Variants in TSPEAR observed in about 807,000 individuals in gnomAD.
TSPEAR encodes thrombospondin-type laminin G domain and EAR repeat-containing protein.
A neutral mutation model predicts 71.6 loss-of-function variants in TSPEAR; 69 were observed. The observed-to-expected ratio is 0.96, with a 90% CI of 0.79 to 1.18. TSPEAR has a LOEUF of 1.18. Among genes scored for constraint, TSPEAR ranks in the 50% most tolerant of loss-of-function variants. The pLI is 0.00. For missense variants in TSPEAR, 971 were observed against 894.9 expected, an observed-to-expected ratio of 1.09 and a Z score of -1.09; for synonymous variants, 402 against 387.2, an observed-to-expected ratio of 1.04 and a Z score of -0.45.
chr21:44,683,543 C>A (rs1601562938), intron 1 of TSPEAR, among the ~76,000 whole-genome samples: 1 of 152,088 alleles, frequency 6.6e-6, no homozygotes, highest in African/African-American at 2.4e-5. Context: ...GTGGTGCATG[C>A]TTGTGGTCCC....
chr21:44,523,101 G>C (rs1555914481), intron 8 of TSPEAR, among the ~76,000 whole-genome samples: 2 of 140,152 alleles, frequency 1.4e-5, no homozygotes. Flanking sequence ...CAGCCAGCCA[G>C]CCAATTAGTC....
At chr21:44,666,587 G>A in intron 1 of TSPEAR, 1 of 1,612,916 alleles carries the variant, frequency 6.2e-7, no homozygotes, top group Non-Finnish European at 8.5e-7. Context: ...GGGAGGACTG[G>A]CAGGAGGGGG....
rs782081347 is a variant in TSPEAR, at chr21:44,623,169, GC to G, written c.83-55165del. On this transcript the variant is annotated intron_variant, in intron 1 of 11. Transcript: ENST00000323084. The surrounding 1 kb of genome is among the most constrained non-coding windows in gnomAD (Gnocchi z 4.5). The stretch of plus-strand genomic sequence containing the variant: ...ACCCAGTCTCAAATATTTCTTTATA[GC>G]AATGCGAGACCAGCTTAACACAGTG... Among the ~76,000 whole-genome samples the G allele has an allele frequency of 1.3e-5, 2 of 152,114 alleles. No individual in the cohort carries two copies. Among genetic ancestry groups the G allele is most frequent in the Non-Finnish European group, 2.9e-5 (2 of 68,022 alleles).
chr21:44,597,805 A>C (rs1555927816), intron 1 of TSPEAR, among the ~76,000 whole-genome samples: 1 of 152,116 alleles, frequency 6.6e-6, no homozygotes, highest in African/African-American at 2.4e-5. Context: ...TATTCAGACC[A>C]ACAATATATT....
intron 1 of TSPEAR, among the ~76,000 whole-genome samples, chr21:44,698,804 C>G (rs1487350736): frequency 2.0e-5 from 3 of 152,240 alleles, no homozygotes; most frequent in African/African-American, 7.2e-5. Flanking sequence ...CTACAACTCC[C>G]GTGTCTGAAG....
intron 1 of TSPEAR, chr21:44,574,834 C>T: frequency 6.2e-7 from 1 of 1,614,024 alleles, no homozygotes; most frequent in Non-Finnish European, 8.5e-7. Flanking sequence ...AGACCCTCCT[C>T]CTCCGTGTCC....
At chr21:44,697,877 G>T in intron 1 of TSPEAR, 2 of 1,612,606 alleles carry the variant, frequency 1.2e-6, no homozygotes, top group Non-Finnish European at 1.7e-6. Flanking sequence ...GCCAAGCTGC[G>T]GCCGCCTGGC....
intron 2 of TSPEAR, among the ~76,000 whole-genome samples, chr21:44,555,268 G>A (rs1262083756): frequency 2.6e-5 from 4 of 152,184 alleles, no homozygotes; most frequent in Admixed American, 2.6e-4. Flanking sequence ...AATAAAAACC[G>A]AAATAAGGTA....
chr21:44,618,034 C>T (rs1352552698), intron 1 of TSPEAR, among the ~76,000 whole-genome samples: 3 of 152,196 alleles, frequency 2.0e-5, no homozygotes, highest in Admixed American at 6.5e-5. Flanking sequence ...ACTGTAAGGG[C>T]CTGTCCCTCC....
intron 2 of TSPEAR, among the ~76,000 whole-genome samples, chr21:44,560,946 T>G (rs2146056679): frequency 6.6e-6 from 1 of 151,892 alleles, no homozygotes. Flanking sequence ...AGCAAACAAA[T>G]CCAAAGGCTA....
intron 1 of TSPEAR, chr21:44,591,327 C>G (rs2146122512): frequency 1.3e-6 from 2 of 1,549,266 alleles, no homozygotes; most frequent in Non-Finnish European, 1.7e-6. Flanking sequence ...GCAGAGCTTG[C>G]TGGGGCAGCT....
chr21:44,528,270 G>A (rs891256407), intron 6 of TSPEAR, among the ~76,000 whole-genome samples, 182 bp downstream of exon 6: 1 of 152,314 alleles, frequency 6.6e-6, no homozygotes, highest in East Asian at 1.9e-4. Context: ...TGTCCTGCCC[G>A]CTGCTTGCTT....
intron 1 of TSPEAR, among the ~76,000 whole-genome samples, chr21:44,694,836 C>T (rs139048229): frequency 5.9e-5 from 9 of 152,242 alleles, no homozygotes; most frequent in African/African-American, 2.2e-4. Flanking sequence ...GGGGAGAAGG[C>T]GGCGCTCACA....
At chr21:44,709,087 ACTCCCAGC>A (rs562514643) in intron 1 of TSPEAR, among the ~76,000 whole-genome samples, 107 of 152,044 alleles carry the variant, frequency 7.0e-4, no homozygotes, top group Middle Eastern at 3.4e-3. Flanking sequence ...CAGCTCCCGC[ACTCCCAGC>A]CTCCCAGCCT....
intron 1 of TSPEAR, among the ~76,000 whole-genome samples, chr21:44,636,709 AC>A (rs1983591415): frequency 6.6e-6 from 1 of 151,370 alleles, no homozygotes; most frequent in Non-Finnish European, 1.5e-5. Context: ...CCACCCTCAG[AC>A]CCTGACCTGC....
At chr21:44,575,116 C>A in intron 1 of TSPEAR, 1 of 1,123,892 alleles carries the variant, frequency 8.9e-7, no homozygotes, top group Non-Finnish European at 1.3e-6. Flanking sequence ...TTGACCATTT[C>A]CTGGTGTCTG....
chr21:44,661,132 G>C (rs1354424747), intron 1 of TSPEAR, among the ~76,000 whole-genome samples: 1 of 151,920 alleles, frequency 6.6e-6, no homozygotes, highest in Non-Finnish European at 1.5e-5. Flanking sequence ...AAATTAGCCG[G>C]GTGTGGTGGC....
intron 2 of TSPEAR, among the ~76,000 whole-genome samples, chr21:44,545,332 T>C (rs143178565): frequency 0.01 from 1,523 of 150,724 alleles, 21 homozygotes; most frequent in African/African-American, 0.036. Context: ...AAAAAATTGA[T>C]TAATTAATTA....
chr21:44,701,175 G>A (rs1440602614), intron 1 of TSPEAR, among the ~76,000 whole-genome samples: 3 of 152,212 alleles, frequency 2.0e-5, no homozygotes, highest in Admixed American at 1.3e-4. Context: ...TCCCAGTGAC[G>A]CTTCCATAGG....
Sources: gnomAD v4.1 joint callset for allele counts (sites outside exome capture counted in the v4.1 genomes callset) on GRCh38, gnomAD v4.1.1 for gene constraint, Gnocchi (gnomAD v3.1) non-coding constraint, MANE v1.5 for transcripts, NCBI Gene and HGNC (gene_info 2026-07-23, HGNC 2026-07-21) for gene names.